Variants in CGNL1 observed in about 807,000 individuals in gnomAD.
CGNL1 encodes the protein cingulin-like protein 1.
In CGNL1, 132 loss-of-function variants were observed where a neutral mutation model predicts 141.2. The observed-to-expected ratio is 0.93, with a 90% confidence interval of 0.81 to 1.08. The LOEUF (loss-of-function observed/expected upper bound fraction) is 1.08. CGNL1 is among the 50% of genes least tolerant of loss of function. The pLI, the probability that CGNL1 is intolerant of heterozygous loss-of-function variation, is 0.00. For synonymous variants in CGNL1, 690 were observed against 622.1 expected (o/e 1.11, Z -1.63); for missense variants, 1,870 against 1,588.6 (o/e 1.18, Z -3.01).
chr15:57,453,031 A>G (rs1200233730), intron 6 of CGNL1, among the ~76,000 whole-genome samples: 1 of 152,214 alleles, frequency 6.6e-6, no homozygotes, highest in African/African-American at 2.4e-5. Flanking sequence ...ATCAGAAAAT[A>G]TAGGGTATAG....
intron 8 of CGNL1, among the ~76,000 whole-genome samples, chr15:57,479,752 C>A (rs1264615208): frequency 2.0e-5 from 3 of 152,014 alleles, no homozygotes; most frequent in African/African-American, 4.8e-5. Flanking sequence ...ACAGGCAGAG[C>A]AGTTTGAAGT....
chr15:57,544,036 T>G (rs1460687605), intron 15 of CGNL1, among the ~76,000 whole-genome samples: 2 of 152,180 alleles, frequency 1.3e-5, no homozygotes, highest in African/African-American at 4.8e-5. Context: ...GTAAAGAGAA[T>G]GAAAAAGAAT....
At position 57,461,771 on chromosome 15, in the gene CGNL1, C is replaced by T; in HGVS notation, c.2282C>T (p.Thr761Ile). ...DLLRKREREL[T>I]ALKGALKEEV... is the part of the protein sequence containing the mutation. ...TTGAGAAAGCGAGAGCGTGAACTCACCGCCCTGAAGGGAGCCCTGAAAGAA... is the reference window on the plus strand; with the variant it reads ...TTGAGAAAGCGAGAGCGTGAACTCATCGCCCTGAAGGGAGCCCTGAAAGAA... The change falls in exon 8 of 19, where the codon ACC becomes ATC. Residue 761 changes from threonine (T) to isoleucine (I), a missense_variant. Transcript: ENST00000281282. The T allele has an allele frequency of 6.8e-6, 11 of 1,614,092 alleles. No individual in the cohort carries two copies. Among genetic ancestry groups the T allele is most frequent in the East Asian group, 2.2e-5 (1 of 44,860 alleles).
chr15:57,547,540 C>G lies in CGNL1; in HGVS notation c.*50C>G. On this transcript the variant is annotated 3_prime_UTR_variant, in exon 19 of 19. Transcript: ENST00000281282. ...CCTGTCATTCCTGCAGGAGCTGCAG[C>G]CACCCAAAGTGGGAGGCAGGGAGGG... The G allele has an allele frequency of 6.3e-7, 1 of 1,593,336 alleles. No homozygotes were observed. Among genetic ancestry groups the G allele is most frequent in the Non-Finnish European group, 8.6e-7 (1 of 1,168,792 alleles).
chr15:57,393,134 C>T (rs2062561301), intron 1 of CGNL1, among the ~76,000 whole-genome samples: 1 of 152,122 alleles, frequency 6.6e-6, no homozygotes, highest in Non-Finnish European at 1.5e-5. Flanking sequence ...AGTCTTAATT[C>T]CCTTGCTCCA....
At chr15:57,472,416 G>C (rs1299554570) in intron 8 of CGNL1, among the ~76,000 whole-genome samples, 1 of 152,142 alleles carries the variant, frequency 6.6e-6, no homozygotes, top group African/African-American at 2.4e-5. Flanking sequence ...GATTTTTAGA[G>C]AGAGAGACAG....
chr15:57,386,700 G>T (rs2062487918), intron 1 of CGNL1, among the ~76,000 whole-genome samples: 1 of 152,172 alleles, frequency 6.6e-6, no homozygotes, highest in Admixed American at 6.5e-5. Context: ...GATAACGACA[G>T]TGACGACGAT....
At chr15:57,538,788 C>G (rs1190570624) in intron 14 of CGNL1, among the ~76,000 whole-genome samples, 2 of 152,222 alleles carry the variant, frequency 1.3e-5, no homozygotes, top group African/African-American at 2.4e-5. Context: ...TAGACACGTT[C>G]TCCTTCTGGG....
In CGNL1 at chr15:57,545,633, G is replaced by A. The variant is rs550816532; in HGVS notation, c.3542G>A (p.Arg1181Gln). The change falls in exon 17 of 19, where the codon CGG becomes CAG. Residue 1181 changes from arginine to glutamine, a missense_variant. By Grantham distance (43) the Arg-to-Gln change is conservative. Transcript: ENST00000281282. ...CAGCTCAGCAACCGGCGGCTGGAGCGGAAAGTGAAGGAGCTGGTGATGCAG... is the reference window on the plus strand; with the variant it reads ...CAGCTCAGCAACCGGCGGCTGGAGCAGAAAGTGAAGGAGCTGGTGATGCAG... ...NLQLSNRRLE[R>Q]KVKELVMQVD... 4.0e-5 allele frequency: 65 copies of A among 1,613,622 alleles called. No individual in the cohort carries two copies. In the Admixed American group the frequency reaches 7.3e-4, roughly 18 times the overall value.
At chr15:57,482,028 T>C (rs2063732595) in intron 8 of CGNL1, among the ~76,000 whole-genome samples, 2 of 152,246 alleles carry the variant, frequency 1.3e-5, no homozygotes, top group Admixed American at 1.3e-4. Context: ...GAATGTCATT[T>C]CATGTGCTCT....
rs1185239866 is a variant in CGNL1, at chr15:57,401,632, T to G, written c.-16+25065T>G. 2.0e-5 allele frequency among the ~76,000 whole-genome samples: 3 copies of G among 152,226 alleles called. No homozygotes were observed. In the East Asian group the frequency reaches 5.8e-4, roughly 29 times the overall value. ...CTTGAAGAATCATTTCATTTGAGCCTTCATGCTTTAATACCTATCCTTTTT... is the reference window on the plus strand; with the variant it reads ...CTTGAAGAATCATTTCATTTGAGCCGTCATGCTTTAATACCTATCCTTTTT... On this transcript the variant is annotated intron_variant, in intron 1 of 18. Transcript: ENST00000281282.
At chr15:57,516,403 C>T (rs7167118) in intron 8 of CGNL1, among the ~76,000 whole-genome samples, 5 of 152,084 alleles carry the variant, frequency 3.3e-5, no homozygotes, top group African/African-American at 7.2e-5. Flanking sequence ...GTCGAAATCC[C>T]GTGTAAAGAT....
intron 1 of CGNL1, among the ~76,000 whole-genome samples, chr15:57,437,619 C>A (rs771289491): frequency 8.3e-5 from 3 of 36,086 alleles, no homozygotes; most frequent in African/African-American, 2.4e-4. Flanking sequence ...AACTAAACAG[C>A]AAAAAAAAAA....
intron 2 of CGNL1, 139 bp downstream of exon 2, chr15:57,439,740 G>A (rs2063161510): frequency 2.2e-6 from 2 of 915,216 alleles, no homozygotes; most frequent in Non-Finnish European, 3.3e-6. Flanking sequence ...TCTGTTTCAG[G>A]ATCCAGTTGT....
intron 8 of CGNL1, among the ~76,000 whole-genome samples, chr15:57,489,643 C>G (rs1173145361): frequency 6.6e-6 from 1 of 151,952 alleles, no homozygotes; most frequent in Non-Finnish European, 1.5e-5. Context: ...ATTAGTTGTC[C>G]CATCACTGTT....
At chr15:57,387,525 TCTTA>T (rs1439192213) in intron 1 of CGNL1, among the ~76,000 whole-genome samples, 1 of 152,168 alleles carries the variant, frequency 6.6e-6, no homozygotes, top group Non-Finnish European at 1.5e-5. Context: ...TTATTAGGTA[TCTTA>T]CTTCTGTGAA....
Position 57,438,094 on chromosome 15 carries a change from C to T in CGNL1, c.95C>T (p.Ser32Phe). 3.7e-6 allele frequency: 6 copies of T among 1,614,112 alleles called. No individual in the cohort carries two copies. The highest frequency in any genetic ancestry group is 5.1e-6 in the Non-Finnish European group (6 of 1,180,018). The change falls in exon 2 of 19, where the codon TCC becomes TTC. Residue 32 changes from serine to phenylalanine, a missense_variant. Ser to Phe is a radical substitution (Grantham distance 155, BLOSUM62 -2). Coordinates refer to ENST00000281282, the MANE Select transcript of CGNL1 (RefSeq NM_032866.5). ...ASDDTQKSRS[S>F]QNSKAGSYGV... ...GATGATACCCAAAAATCAAGGAGTT[C>T]CCAGAACTCCAAGGCAGGCTCCTAC...
At position 57,528,732 on chromosome 15, in the gene CGNL1, C is replaced by G; in HGVS notation, c.3118C>G (p.Gln1040Glu). 6.2e-7 allele frequency: 1 copy of G among 1,614,168 alleles called. No homozygotes were observed. The highest frequency in any genetic ancestry group is 1.1e-5 in the South Asian group (1 of 91,076). ...EALTKRQLLE[Q>E]TLKDLEYELE... is the part of the protein sequence containing the mutation. ...ACTCACAAAAAGGCAGCTTCTGGAG[C>G]AGACGCTGAAGGACCTGGAGTATGA... The change falls in exon 13 of 19, where the codon CAG becomes GAG. Residue 1040 changes from glutamine to glutamate, a missense_variant. By Grantham distance (29) the Gln-to-Glu change is conservative. Coordinates refer to ENST00000281282, the MANE Select transcript of CGNL1 (RefSeq NM_032866.5).
At chr15:57,428,701 A>G (rs80184725) in intron 1 of CGNL1, among the ~76,000 whole-genome samples, 7 of 148,620 alleles carry the variant, frequency 4.7e-5, no homozygotes, top group Non-Finnish European at 1.1e-4. Context: ...TTACTGGAGG[A>G]AAAAAAAATG....
Sources: gnomAD v4.1 joint callset for allele counts (sites outside exome capture counted in the v4.1 genomes callset) on GRCh38, gnomAD v4.1.1 for gene constraint, MANE v1.5 for transcripts, NCBI Gene and HGNC (gene_info 2026-07-23, HGNC 2026-07-21) for gene names.